Variants in MYO16 observed in about 807,000 individuals in gnomAD.
MYO16 encodes the protein unconventional myosin-XVI.
MYO16 carries 94 observed loss-of-function variants against 205.3 expected under a neutral mutation model. The observed-to-expected ratio is 0.46, with a 90% CI of 0.39 to 0.54. The LOEUF (loss-of-function observed/expected upper bound fraction) is 0.54. MYO16 is among the 20% of genes least tolerant of loss of function. MYO16 has a pLI of 0.00. For synonymous variants in MYO16, 988 were observed against 954.0 expected, an observed-to-expected ratio of 1.04 and a Z score of -0.66; for missense variants, 2,315 against 2,387.5, an observed-to-expected ratio of 0.97 and a Z score of 0.63.
At chr13:109,054,969 C>A in intron 25 of MYO16, 77 bp from the exon 26 acceptor site, 1 of 856,852 alleles carries the variant, frequency 1.2e-6, no homozygotes, top group Non-Finnish European at 1.8e-6. Context: ...CCCCTTCCTC[C>A]CTCCTTTTCC....
At chr13:108,853,118 A>G (rs1256087047) in intron 10 of MYO16, among the ~76,000 whole-genome samples, 1 of 152,250 alleles carries the variant, frequency 6.6e-6, no homozygotes, top group African/African-American at 2.4e-5. Context: ...CCTAAGGGCT[A>G]CGCCGAAGGC....
chr13:108,592,940 G>A (rs889265439), upstream of MYO16, among the ~76,000 whole-genome samples: 1 of 152,048 alleles, frequency 6.6e-6, no homozygotes, highest in African/African-American at 2.4e-5. Context: ...CTTCTCCAGA[G>A]AAAATTGCAA....
intron 33 of MYO16, among the ~76,000 whole-genome samples, chr13:109,169,176 A>G (rs1205672645): frequency 1.3e-5 from 2 of 152,208 alleles, no homozygotes; most frequent in African/African-American, 4.8e-5. Context: ...CTCCAGTTCC[A>G]TCCATGTTAC....
chr13:108,748,359 C>CCTCT lies in MYO16; in HGVS notation c.507+20776_507+20777insCTCT, dbSNP rs1444169007. Among the ~76,000 whole-genome samples, 3 of 151,976 alleles carry CCTCT rather than the reference C, an allele frequency of 2.0e-5. No homozygotes were observed. In the East Asian group the frequency reaches 5.8e-4, roughly 29 times the overall value. ...TGTATGGGATGCAGCAACATCAAAG[C>CCTCT]TTAGAGAGAAATTTATAGCATTAAA... On this transcript the variant is annotated intron_variant, in intron 4 of 34. Coordinates refer to ENST00000457511, the MANE Select transcript of MYO16 (RefSeq NM_001198950.3).
chr13:108,710,231 T>C (rs1883667215), intron 2 of MYO16, among the ~76,000 whole-genome samples: 1 of 152,178 alleles, frequency 6.6e-6, no homozygotes, highest in Non-Finnish European at 1.5e-5. Context: ...ATATTAATAA[T>C]TAAATGACAC....
At chr13:108,741,360 T>C (rs1014628293) in intron 4 of MYO16, among the ~76,000 whole-genome samples, 2 of 152,170 alleles carry the variant, frequency 1.3e-5, no homozygotes, top group African/African-American at 4.8e-5. Context: ...ACACATATAG[T>C]TTCTTCATTA....
At chr13:108,880,779 T>C (rs1436013181) in intron 12 of MYO16, among the ~76,000 whole-genome samples, 2 of 152,212 alleles carry the variant, frequency 1.3e-5, no homozygotes, top group Non-Finnish European at 2.9e-5. Context: ...TGTAGTATAG[T>C]TTGAAGTCAG....
intron 27 of MYO16, among the ~76,000 whole-genome samples, chr13:109,070,695 G>A (rs1316081481): frequency 2.0e-5 from 3 of 152,186 alleles, no homozygotes; most frequent in African/African-American, 7.2e-5. Context: ...ACTATGAAAT[G>A]AGGAATAGAT....
At position 109,110,952 on chromosome 13, in the gene MYO16, G is replaced by T. The variant is rs143288846; in HGVS notation, c.3439-9418G>T. Among the ~76,000 whole-genome samples, 1,221 of 152,244 alleles carry T rather than the reference G, an allele frequency of 8.0e-3. 14 individuals are homozygous for T. Among genetic ancestry groups the T allele is most frequent in the African/African-American group, 0.027 (1,134 of 41,542 alleles). Reference sequence around the variant, plus strand: ...GGTGCTTGGCAAACATTTGATTTACGAATGGATACATGAATGAATGAATGA... The same window carrying T: ...GGTGCTTGGCAAACATTTGATTTACTAATGGATACATGAATGAATGAATGA... On this transcript the variant is annotated intron_variant, in intron 28 of 34. Transcript: ENST00000457511.
At chr13:108,944,725 T>C (rs1167812253) in intron 16 of MYO16, among the ~76,000 whole-genome samples, 1 of 152,218 alleles carries the variant, frequency 6.6e-6, no homozygotes, top group Non-Finnish European at 1.5e-5. Context: ...TAAAGAAATA[T>C]ATACTTTGCA....
intron 23 of MYO16, among the ~76,000 whole-genome samples, chr13:109,021,675 T>C (rs1479308017): frequency 6.6e-6 from 1 of 152,022 alleles, no homozygotes. Flanking sequence ...CTACCTAGTA[T>C]TTGGGAAGTT....
chr13:108,891,834 T>C (rs1426133762), intron 14 of MYO16, among the ~76,000 whole-genome samples: 1 of 152,216 alleles, frequency 6.6e-6, no homozygotes, highest in African/African-American at 2.4e-5. Flanking sequence ...AATACGGAAA[T>C]ATACTGCACA....
At chr13:109,165,342 T>C (rs55863162) in intron 33 of MYO16, among the ~76,000 whole-genome samples, 1,561 of 152,302 alleles carry the variant, frequency 0.01, 8 homozygotes, top group South Asian at 0.038. Flanking sequence ...AAGAAGGCAA[T>C]AGATTCTCTA....
the MYO16 span, among the ~76,000 whole-genome samples, chr13:108,528,210 C>T: frequency 6.6e-6 from 1 of 152,160 alleles, no homozygotes; most frequent in African/African-American, 2.4e-5. Flanking sequence ...TTTACCATAT[C>T]CGACAGCCTT....
intron 4 of MYO16, among the ~76,000 whole-genome samples, chr13:108,777,854 G>T (rs1255596029): frequency 2.6e-5 from 4 of 152,090 alleles, no homozygotes; most frequent in Non-Finnish European, 4.4e-5. Context: ...TCATACCTGG[G>T]GAATGTCTCC....
At chr13:108,703,181 A>T (rs138002240) in intron 2 of MYO16, among the ~76,000 whole-genome samples, 1 of 152,276 alleles carries the variant, frequency 6.6e-6, no homozygotes, top group African/African-American at 2.4e-5. Flanking sequence ...TGTAAGAGAC[A>T]TCTATTGGAT....
At chr13:109,111,446 G>A (rs1889280308) in intron 28 of MYO16, among the ~76,000 whole-genome samples, 1 of 152,148 alleles carries the variant, frequency 6.6e-6, no homozygotes, top group Admixed American at 6.5e-5. Flanking sequence ...CATTTTTCCA[G>A]AATACTGATA....
At chr13:108,896,838 G>A (rs544665694) in intron 14 of MYO16, among the ~76,000 whole-genome samples, 47 of 152,072 alleles carry the variant, frequency 3.1e-4, no homozygotes, top group South Asian at 1.0e-3. Flanking sequence ...CTGGTGTAAC[G>A]GCATGCCCTT....
At chr13:108,601,429 C>T (rs149284272) in intron 1 of MYO16, among the ~76,000 whole-genome samples, 12 of 151,982 alleles carry the variant, frequency 7.9e-5, no homozygotes, top group East Asian at 3.9e-4. Flanking sequence ...TATATGCAGA[C>T]GAAACAAAGG....
Sources: gnomAD v4.1 joint callset for allele counts (sites outside exome capture counted in the v4.1 genomes callset) on GRCh38, gnomAD v4.1.1 for gene constraint, MANE v1.5 for transcripts, NCBI Gene and HGNC (gene_info 2026-07-23, HGNC 2026-07-21) for gene names.